Variants in ZC3H12B observed in about 807,000 individuals in gnomAD.
ZC3H12B encodes zinc finger CCCH-type containing 12B, also known as probable ribonuclease ZC3H12B.
In ZC3H12B, 7 loss-of-function variants were observed where a neutral mutation model predicts 43.9. The observed-to-expected ratio is 0.16, with a 90% confidence interval of 0.09 to 0.30. ZC3H12B has a LOEUF of 0.30. Among genes scored for constraint, ZC3H12B ranks in the 10% least tolerant of loss-of-function variants. ZC3H12B has a pLI of 1.00. For missense variants in ZC3H12B, 475 were observed against 670.2 expected, an observed-to-expected ratio of 0.71 and a Z score of 3.22; for synonymous variants, 222 against 241.7, an observed-to-expected ratio of 0.92 and a Z score of 0.76.
the ZC3H12B span, among the ~76,000 whole-genome samples, chrX:65,104,982 T>C: frequency 9.0e-6 from 1 of 111,606 alleles, no homozygotes; most frequent in Non-Finnish European, 1.9e-5. Flanking sequence ...CTTTTTACAA[T>C]AGGAAAGACT....
At chrX:65,288,999 A>G in the ZC3H12B span, among the ~76,000 whole-genome samples, 1 of 111,371 alleles carries the variant, frequency 9.0e-6, no homozygotes, top group Admixed American at 9.6e-5. Flanking sequence ...CAATAGCTAC[A>G]AAAAGAAAAA....
chrX:65,120,105 A>T, the ZC3H12B span, among the ~76,000 whole-genome samples: 1 of 111,345 alleles, frequency 9.0e-6, no homozygotes, highest in African/African-American at 3.3e-5. Context: ...TGTTCTTTTG[A>T]CTTAGGATTA....
At chrX:65,333,116 G>T in the ZC3H12B span, among the ~76,000 whole-genome samples, 9,149 of 110,897 alleles carry the variant, frequency 0.083, 1,028 homozygotes, top group African/African-American at 0.29. Context: ...TGGGGCTCCT[G>T]GGCCTGTCAG....
the ZC3H12B span, among the ~76,000 whole-genome samples, chrX:65,310,735 G>T: frequency 2.7e-5 from 3 of 111,656 alleles, no homozygotes; most frequent in African/African-American, 9.8e-5. Context: ...CATGCTACCT[G>T]ACTTCAAACT....
the ZC3H12B span, among the ~76,000 whole-genome samples, chrX:65,139,462 G>C: frequency 1.8e-5 from 2 of 111,789 alleles, no homozygotes; most frequent in Non-Finnish European, 3.8e-5. Flanking sequence ...TTTAATGCCA[G>C]TAGCATGCTG....
intron 3 of ZC3H12B, among the ~76,000 whole-genome samples, chrX:65,412,222 T>TGTATA (rs2066911998): frequency 8.9e-6 from 1 of 112,040 alleles, no homozygotes. Flanking sequence ...GAATGTTTCA[T>TGTATA]GTATATGGAA....
chrX:65,395,481 C>T (rs750569586), intron 2 of ZC3H12B, among the ~76,000 whole-genome samples: 1 of 112,430 alleles, frequency 8.9e-6, no homozygotes, highest in Non-Finnish European at 1.9e-5. Flanking sequence ...GTTTTTGTCG[C>T]TGGCTTTGTT....
At chrX:65,128,240 G>A in the ZC3H12B span, among the ~76,000 whole-genome samples, 2 of 112,032 alleles carry the variant, frequency 1.8e-5, no homozygotes, top group Non-Finnish European at 3.8e-5. Flanking sequence ...GAATGGGGTA[G>A]TATCTTAGGA....
chrX:65,270,738 T>G, the ZC3H12B span, among the ~76,000 whole-genome samples: 25 of 111,340 alleles, frequency 2.2e-4, no homozygotes, highest in Non-Finnish European at 4.3e-4. Flanking sequence ...TACAAAACAT[T>G]CTCCTCTTGG....
the ZC3H12B span, among the ~76,000 whole-genome samples, chrX:65,209,808 G>C: frequency 9.9e-6 from 1 of 100,987 alleles, no homozygotes. Context: ...AGAAAAACAA[G>C]CAATGGGGAA....
At chrX:65,369,623 C>T (rs1163299520) in intron 2 of ZC3H12B, among the ~76,000 whole-genome samples, 1 of 111,418 alleles carries the variant, frequency 9.0e-6, no homozygotes, top group African/African-American at 3.3e-5. Context: ...AAATACTTTA[C>T]AACCACAATA....
chrX:65,242,083 C>A, the ZC3H12B span, among the ~76,000 whole-genome samples: 1 of 110,923 alleles, frequency 9.0e-6, no homozygotes, highest in South Asian at 3.9e-4. Flanking sequence ...AATCACTCAC[C>A]ACTTTCCTTG....
At chrX:65,067,410 C>T in the ZC3H12B span, among the ~76,000 whole-genome samples, 1 of 111,389 alleles carries the variant, frequency 9.0e-6, no homozygotes. Context: ...TCACCGGCAC[C>T]TTGAGCTTCC....
the ZC3H12B span, among the ~76,000 whole-genome samples, chrX:65,211,084 G>GA: frequency 1.7e-3 from 83 of 48,942 alleles, 1 homozygote; most frequent in African/African-American, 0.017. Context: ...AAAAAAAAAA[G>GA]AAAGAAAAAA....
the ZC3H12B span, among the ~76,000 whole-genome samples, chrX:65,161,312 A>G: frequency 9.0e-6 from 1 of 110,674 alleles, no homozygotes; most frequent in Non-Finnish European, 1.9e-5. Flanking sequence ...ATTCCTGGGG[A>G]TCTTTGTTAA....
the ZC3H12B span, among the ~76,000 whole-genome samples, chrX:65,129,257 GTATA>G: frequency 2.3e-5 from 2 of 85,981 alleles, no homozygotes; most frequent in East Asian, 3.1e-4. Context: ...GTGTATATAT[GTATA>G]TATATATATA....
the ZC3H12B span, among the ~76,000 whole-genome samples, chrX:65,153,974 G>T: frequency 9.0e-6 from 1 of 111,008 alleles, no homozygotes; most frequent in Non-Finnish European, 1.9e-5. Context: ...GTAAACTATT[G>T]CAAGGACAAA....
intron 3 of ZC3H12B, among the ~76,000 whole-genome samples, chrX:65,476,988 A>ATTTTT (rs3065468): frequency 1.1e-5 from 1 of 90,707 alleles, no homozygotes. Context: ...CTCCTGACTA[A>ATTTTT]TTTTTTTTTT....
chrX:65,088,609 A>C, the ZC3H12B span, among the ~76,000 whole-genome samples: 1 of 112,075 alleles, frequency 8.9e-6, no homozygotes, highest in Non-Finnish European at 1.9e-5. Flanking sequence ...ATAACCTCAC[A>C]AAGCAGATTC....
Sources: gnomAD v4.1 joint callset for allele counts (sites outside exome capture counted in the v4.1 genomes callset) on GRCh38, gnomAD v4.1.1 for gene constraint, MANE v1.5 for transcripts, NCBI Gene and HGNC (gene_info 2026-07-23, HGNC 2026-07-21) for gene names.